NALF1: variants seen among roughly 807,000 people sequenced by gnomAD.
The protein encoded by NALF1 is NALCN channel auxiliary factor 1, also known as family with sequence similarity 155 member A.
In NALF1, 3 loss-of-function variants were observed where a neutral mutation model predicts 48.4. That is an observed-to-expected ratio of 0.06 (90% CI 0.03 to 0.16). The LOEUF is 0.16. Ranked by LOEUF, NALF1 falls within the 10% of genes least tolerant of loss-of-function variation. The pLI, the probability that NALF1 is intolerant of heterozygous loss-of-function variation, is 1.00. For synonymous variants in NALF1, 262 were observed against 245.7 expected, an observed-to-expected ratio of 1.07 and a Z score of -0.62; for missense variants, 526 against 571.5, an observed-to-expected ratio of 0.92 and a Z score of 0.81.
intron 1 of NALF1, among the ~76,000 whole-genome samples, chr13:107,316,279 T>G (rs1439669885): frequency 6.6e-6 from 1 of 152,232 alleles, no homozygotes; most frequent in African/African-American, 2.4e-5. Flanking sequence ...TGCCACATTT[T>G]CTTAATCCAG....
chr13:107,366,834 G>C (rs1594139294), intron 1 of NALF1, among the ~76,000 whole-genome samples: 1 of 152,168 alleles, frequency 6.6e-6, no homozygotes, highest in Non-Finnish European at 1.5e-5. Context: ...TTCCAAGGCA[G>C]GTGTTCACGT....
intron 1 of NALF1, among the ~76,000 whole-genome samples, chr13:107,333,139 C>A (rs1222973634): frequency 6.6e-6 from 1 of 152,140 alleles, no homozygotes; most frequent in Non-Finnish European, 1.5e-5. Flanking sequence ...AGCCACTGTG[C>A]CCGGCCTACA....
intron 1 of NALF1, among the ~76,000 whole-genome samples, chr13:107,758,101 A>G (rs1877165402): frequency 6.6e-6 from 1 of 152,202 alleles, no homozygotes; most frequent in Non-Finnish European, 1.5e-5. Flanking sequence ...ATCAAAATAT[A>G]TCTCCTCTAT....
At chr13:107,373,968 CAT>C (rs1883292813) in intron 1 of NALF1, among the ~76,000 whole-genome samples, 1 of 152,274 alleles carries the variant, frequency 6.6e-6, no homozygotes, top group African/African-American at 2.4e-5. Flanking sequence ...TAAAATGGAA[CAT>C]AGTTTTTCCT....
intron 1 of NALF1, among the ~76,000 whole-genome samples, chr13:107,238,244 C>A (rs937272866): frequency 2.0e-5 from 3 of 152,148 alleles, no homozygotes; most frequent in Non-Finnish European, 4.4e-5. Flanking sequence ...CACTGCTCAC[C>A]CAGCATGGGG....
At chr13:107,792,995 A>G (rs1039005464) in intron 1 of NALF1, among the ~76,000 whole-genome samples, 7 of 152,190 alleles carry the variant, frequency 4.6e-5, no homozygotes, top group African/African-American at 1.2e-4. Context: ...TGTAGCTCCA[A>G]TGTCCTTAAT....
At chr13:107,328,690 C>T (rs1189868936) in intron 1 of NALF1, among the ~76,000 whole-genome samples, 1 of 152,132 alleles carries the variant, frequency 6.6e-6, no homozygotes, top group Non-Finnish European at 1.5e-5. Flanking sequence ...AAACAATTTT[C>T]TAATCTCATT....
In NALF1 at chr13:107,383,895, C is replaced by T. The variant is rs932373087; in HGVS notation, c.916-173140G>A. Among the ~76,000 whole-genome samples the T allele has an allele frequency of 2.6e-5, 4 of 152,160 alleles. No homozygotes were observed. The East Asian group carries it at 7.7e-4, about 29-fold the overall frequency. On this transcript the variant is annotated intron_variant, in intron 1 of 2. Transcript: ENST00000375915. The stretch of plus-strand genomic sequence containing the variant: ...AATTGGCTAGTCCATTTCTAATGCA[C>T]ATTCTTAATGCAAGTATGTATTACT...
chr13:107,301,091 T>C (rs1049773809), intron 1 of NALF1, among the ~76,000 whole-genome samples: 2 of 152,210 alleles, frequency 1.3e-5, no homozygotes, highest in Non-Finnish European at 2.9e-5. Flanking sequence ...GTATGTTGTA[T>C]TGTAAATTAT....
intron 1 of NALF1, among the ~76,000 whole-genome samples, chr13:107,216,163 G>A (rs1424280829): frequency 2.0e-5 from 3 of 152,096 alleles, no homozygotes; most frequent in East Asian, 3.9e-4. Context: ...CTCTAACCCC[G>A]CTAGCGGCCT....
intron 1 of NALF1, among the ~76,000 whole-genome samples, chr13:107,794,572 A>C (rs1285247047): frequency 6.6e-6 from 1 of 151,694 alleles, no homozygotes; most frequent in African/African-American, 2.4e-5. Flanking sequence ...AAAAAGAAAA[A>C]AAAAGAATCC....
At chr13:107,584,379 C>T (rs1878395772) in intron 1 of NALF1, among the ~76,000 whole-genome samples, 2 of 152,184 alleles carry the variant, frequency 1.3e-5, no homozygotes, top group East Asian at 1.9e-4. Context: ...TATTTTAATG[C>T]ATGCCTGTTT....
chr13:107,555,439 ATTTTTTTTTTTTTTT>A (rs34486058), intron 1 of NALF1, among the ~76,000 whole-genome samples: 19 of 69,958 alleles, frequency 2.7e-4, no homozygotes, highest in Non-Finnish European at 3.0e-4. Context: ...AGCCTGGCTA[ATTTTTTTTTTTTTTT>A]TTTTTTTTTT....
Position 107,317,026 on chromosome 13 carries a change from A to G in NALF1, c.916-106271T>C, listed in dbSNP as rs537426602. 6.6e-5 allele frequency among the ~76,000 whole-genome samples: 10 copies of G among 152,296 alleles called. No individual in the cohort carries two copies. The South Asian group carries it at 2.1e-3, about 32-fold the overall frequency. On this transcript the variant is annotated intron_variant, in intron 1 of 2. Coordinates refer to ENST00000375915, the MANE Select transcript of NALF1 (RefSeq NM_001080396.3). ...AATGAAAGATCTTTTCTAGGAAATG[A>G]GAAAAACTATTGATTGCTATTTAGT...
intron 1 of NALF1, among the ~76,000 whole-genome samples, chr13:107,329,861 C>T (rs1222160976): frequency 6.6e-6 from 1 of 152,128 alleles, no homozygotes; most frequent in African/African-American, 2.4e-5. Flanking sequence ...TGCATAGCTA[C>T]TTTTCCAGAG....
intron 2 of NALF1, among the ~76,000 whole-genome samples, chr13:107,173,965 G>A (rs550664704): frequency 1.3e-5 from 2 of 152,268 alleles, no homozygotes; most frequent in Admixed American, 1.3e-4. Context: ...GTTTTCACGT[G>A]ACATAATTTC....
chr13:107,417,813 C>A (rs945504732), intron 1 of NALF1, among the ~76,000 whole-genome samples: 4 of 152,146 alleles, frequency 2.6e-5, no homozygotes, highest in Admixed American at 1.3e-4. Context: ...GTAATCCCAG[C>A]ACTTTGGGAG....
At chr13:107,727,159 G>T (rs927326185) in intron 1 of NALF1, among the ~76,000 whole-genome samples, 1 of 151,870 alleles carries the variant, frequency 6.6e-6, no homozygotes, top group African/African-American at 2.4e-5. Flanking sequence ...GCACAGACTC[G>T]AGACCAGTGT....
intron 1 of NALF1, among the ~76,000 whole-genome samples, chr13:107,721,060 T>C (rs930429433): frequency 2.6e-5 from 4 of 151,602 alleles, no homozygotes; most frequent in African/African-American, 9.7e-5. Context: ...ACTGAGTTAT[T>C]CACTCCAAAA....
Sources: allele counts gnomAD v4.1 joint callset (sites outside exome capture counted in the v4.1 genomes callset), GRCh38; gene constraint gnomAD v4.1.1; transcripts MANE v1.5; gene names NCBI Gene and HGNC (gene_info 2026-07-23, HGNC 2026-07-21).